Variants in KCNJ18 observed in about 807,000 individuals in gnomAD.
KCNJ18 encodes the protein inward rectifier potassium channel 18.
KCNJ18 carries 16 observed loss-of-function variants against 17.3 expected under a neutral mutation model. The observed-to-expected ratio is 0.92, with a 90% confidence interval of 0.62 to 1.40. The LOEUF is 1.40. Among genes scored for constraint, KCNJ18 ranks in the 40% most tolerant of loss-of-function variants. KCNJ18 has a pLI of 0.00. For missense variants in KCNJ18, 462 were observed against 626.8 expected (o/e 0.74, Z 2.81); for synonymous variants, 185 against 262.6 (o/e 0.70, Z 2.86).
Position 21,702,769 on chromosome 17 carries a change from G to A in KCNJ18, c.-18G>A, listed in dbSNP as rs1236270251. On this transcript the variant is annotated 5_prime_UTR_variant, in exon 3 of 3. Transcript: ENST00000567955. ...TGGAGCTAGCCTGGGGGTGAGCCAG[G>A]GTCCCCCAACCCCCGGGATGACCGC... The A allele has an allele frequency of 2.2e-5, 34 of 1,568,854 alleles. No homozygotes were observed. In the East Asian group the frequency reaches 5.2e-4, roughly 24 times the overall value.
At chr17:21,698,952 C>A (rs1905852290) in intron 2 of KCNJ18, among the ~76,000 whole-genome samples, 2 of 152,236 alleles carry the variant, frequency 1.3e-5, no homozygotes, top group Admixed American at 1.3e-4. Flanking sequence ...GGTAGTGTAC[C>A]CCAGCGCCCC....
intron 2 of KCNJ18, among the ~76,000 whole-genome samples, chr17:21,697,831 T>C (rs1905812083): frequency 6.6e-6 from 1 of 152,306 alleles, no homozygotes; most frequent in Non-Finnish European, 1.5e-5. Flanking sequence ...GAATGGTGCC[T>C]GGATTAGGAA....
rs1219804917 is a variant in KCNJ18, at chr17:21,697,535, C to A, written c.-57+1431C>A. ...CAGCCTGGGTTCTCCCCCATCCAGC[C>A]AAGCTTCCTCACTGCCCCAGGGTGC... On this transcript the variant is annotated intron_variant, in intron 2 of 2. Transcript: ENST00000567955. 1.2e-4 allele frequency among the ~76,000 whole-genome samples: 19 copies of A among 152,418 alleles called. No homozygotes were observed. In the South Asian group the frequency reaches 1.4e-3, roughly 12 times the overall value.
chr17:21,704,230 G>A lies in KCNJ18; in HGVS notation c.*142G>A. ...CGTTTTAGTCGTTTTATGTTTCTTT[G>A]CAAAGGCCTCAGAAGGTTGGCCGGA... is the stretch of plus-strand genomic sequence containing the variant. On this transcript the variant is annotated 3_prime_UTR_variant, in exon 3 of 3. Coordinates refer to ENST00000567955, the MANE Select transcript of KCNJ18 (RefSeq NM_001194958.2). 9.3e-7 allele frequency: 1 copy of A among 1,079,032 alleles called. No homozygotes were observed. Among genetic ancestry groups the A allele is most frequent in the East Asian group, 2.6e-5 (1 of 38,008 alleles). The allele number at this position is 1,079,032 out of a possible 1,614,324, so 66.8% of individuals were successfully genotyped here.
At position 21,702,912 on chromosome 17, in the gene KCNJ18, C is replaced by G; in HGVS notation, c.126C>G (p.Cys42Trp). Residue 42 changes from cysteine to tryptophan, a missense_variant, in exon 3 of 3, where the codon TGC becomes TGG. This residue lies in a region of KCNJ18 where 237 missense variants were observed against 259.4 expected (regional missense o/e 0.91). Transcript: ENST00000567955. ...GNGKVHTRRR[C>W]RNRFVKKNGQ... ...GCAAGGTGCACACGCGGCGCAGGTG[C>G]CGCAACCGCTTCGTCAAGAAGAATG... 1 of 1,594,304 alleles carries G rather than the reference C, an allele frequency of 6.3e-7. No individual in the cohort carries two copies. The highest frequency in any genetic ancestry group is 1.1e-5 in the South Asian group (1 of 88,706).
chr17:21,693,217 G>A (rs1235147695), intron 1 of KCNJ18, among the ~76,000 whole-genome samples: 2 of 152,310 alleles, frequency 1.3e-5, no homozygotes, highest in South Asian at 2.1e-4. Flanking sequence ...CCGGAAGGCT[G>A]GCTCCTGTTT....
intron 2 of KCNJ18, among the ~76,000 whole-genome samples, chr17:21,702,301 C>A (rs1418673741): frequency 6.6e-6 from 1 of 151,852 alleles, no homozygotes; most frequent in East Asian, 1.9e-4. Flanking sequence ...GGGCCTCTGA[C>A]ATTGAGCAAG....
In KCNJ18 at chr17:21,700,610, C is replaced by T. The variant is rs1905920044; in HGVS notation, c.-56-2121C>T. 2.7e-5 allele frequency among the ~76,000 whole-genome samples: 3 copies of T among 111,880 alleles called. 1 individual carries two copies. The highest frequency in any genetic ancestry group is 9.4e-5 in the African/African-American group (3 of 31,944). The allele number at this position is 111,880 out of a possible 152,430, so 73.4% of individuals were successfully genotyped here. On this transcript the variant is annotated intron_variant, in intron 2 of 2. Transcript: ENST00000567955. ...TGTTTGGAGCAGAGCTCAGAGGCCG[C>T]GCCTGCTCCGAGGCCCAGACTAGTG...
chr17:21,703,866 G>A lies in KCNJ18; in HGVS notation c.1080G>A (p.Lys360=), dbSNP rs1906067468. The change falls in exon 3 of 3, where the codon AAG becomes AAA. Residue 360 remains lysine (K), a synonymous_variant. Coordinates refer to ENST00000567955, the MANE Select transcript of KCNJ18 (RefSeq NM_001194958.2). Reference sequence around the variant, plus strand: ...CCTCTACGCCCCGCTGCAGTGCGAAGGATCTGGTAGAGAACAAGTTCCTGC... The same window carrying A: ...CCTCTACGCCCCGCTGCAGTGCGAAAGATCTGGTAGAGAACAAGTTCCTGC... ...EVPSTPRCSA[K]DLVENKFLLP... 3 of 1,612,790 alleles carry A rather than the reference G, an allele frequency of 1.9e-6. No individual in the cohort carries two copies. Among genetic ancestry groups the A allele is most frequent in the Non-Finnish European group, 2.5e-6 (3 of 1,180,008 alleles).
In KCNJ18 at chr17:21,702,901, C is replaced by G; in HGVS notation, c.115C>G (p.Arg39Gly). The change falls in exon 3 of 3, where the codon CGG becomes GGG. Residue 39 changes from arginine to glycine, a missense_variant. By Grantham distance (125) the Arg-to-Gly change is moderately radical. Coordinates refer to ENST00000567955, the MANE Select transcript of KCNJ18 (RefSeq NM_001194958.2). ...CTTCGGCAACGGCAAGGTGCACACG[C>G]GGCGCAGGTGCCGCAACCGCTTCGT... ...NGFGNGKVHT[R>G]RRCRNRFVKK... 6.3e-7 allele frequency: 1 copy of G among 1,597,416 alleles called. No individual in the cohort carries two copies. The highest frequency in any genetic ancestry group is 8.5e-7 in the Non-Finnish European group (1 of 1,175,306).
intron 2 of KCNJ18, among the ~76,000 whole-genome samples, chr17:21,701,630 A>G (rs1480194643): frequency 2.0e-5 from 3 of 152,244 alleles, no homozygotes; most frequent in Non-Finnish European, 4.4e-5. Flanking sequence ...AACAAGAAGC[A>G]AAAGAGAAAA....
intron 1 of KCNJ18, among the ~76,000 whole-genome samples, chr17:21,694,774 A>T (rs1190481385): frequency 6.6e-6 from 1 of 150,728 alleles, no homozygotes; most frequent in Non-Finnish European, 1.5e-5. Context: ...CCACTCATCC[A>T]CTCATTCACT....
At chr17:21,694,008 A>C (rs1390397190) in intron 1 of KCNJ18, among the ~76,000 whole-genome samples, 1 of 106,214 alleles carries the variant, frequency 9.4e-6, no homozygotes, top group Non-Finnish European at 2.1e-5. Context: ...AGGCCATCCC[A>C]TTTCAGAACA....
Position 21,703,071 on chromosome 17 carries a change from G to A in KCNJ18, c.285G>A (p.Trp95Ter), listed in dbSNP as rs1318040109. The change falls in exon 3 of 3, where the codon TGG becomes TGA. Residue 95 changes from tryptophan to a stop codon, truncating the protein, a stop_gained. Coordinates refer to ENST00000567955, the MANE Select transcript of KCNJ18 (RefSeq NM_001194958.2). LOFTEE classifies it high-confidence loss of function. ...LIFSLAFLASWLLFGVIFWVI... is the reference protein window; with the variant it reads ...LIFSLAFLAS ...TCTCGCTGGCCTTCCTTGCCTCCTG[G>A]CTGCTGTTCGGCGTCATCTTCTGGG... 1.1e-5 allele frequency: 17 copies of A among 1,613,002 alleles called. No individual in the cohort carries two copies. In the Admixed American group the frequency reaches 1.2e-4, roughly 11 times the overall value.
At chr17:21,699,970 C>T in intron 2 of KCNJ18, among the ~76,000 whole-genome samples, 1 of 152,292 alleles carries the variant, frequency 6.6e-6, no homozygotes, top group Non-Finnish European at 1.5e-5. Context: ...CCCTGGGCCA[C>T]ACAAATCCAG....
At chr17:21,692,896 C>T (rs1905643779) in intron 1 of KCNJ18, among the ~76,000 whole-genome samples, 182 bp downstream of exon 1, 1 of 152,312 alleles carries the variant, frequency 6.6e-6, no homozygotes, top group Admixed American at 6.5e-5. Context: ...CTCTGAGAGG[C>T]CTGGCAGGCG....
intron 2 of KCNJ18, among the ~76,000 whole-genome samples, chr17:21,700,249 G>C (rs1905908830): frequency 6.8e-6 from 1 of 146,860 alleles, no homozygotes; most frequent in Non-Finnish European, 1.5e-5. Context: ...TCCCTGCAGA[G>C]CTTGGGGGCC....
chr17:21,695,013 C>T (rs1313248937), intron 1 of KCNJ18, among the ~76,000 whole-genome samples: 1 of 152,034 alleles, frequency 6.6e-6, no homozygotes, highest in South Asian at 2.1e-4. Context: ...TCCATCCACC[C>T]ACCCATTACC....
intron 1 of KCNJ18, among the ~76,000 whole-genome samples, chr17:21,694,130 G>A (rs1482484339): frequency 6.6e-6 from 1 of 152,150 alleles, no homozygotes; most frequent in Non-Finnish European, 1.5e-5. Flanking sequence ...GTCCCAGGAG[G>A]CTGATGATGT....
Sources: allele counts gnomAD v4.1 joint callset (sites outside exome capture counted in the v4.1 genomes callset), GRCh38; gene constraint gnomAD v4.1.1; regional missense constraint gnomAD v4.1.1; transcripts MANE v1.5; gene names NCBI Gene and HGNC (gene_info 2026-07-23, HGNC 2026-07-21).